NEK11: variants seen among roughly 807,000 people sequenced by gnomAD.
NEK11 encodes serine/threonine-protein kinase Nek11.
In NEK11, 72 loss-of-function variants were observed where a neutral mutation model predicts 80.7. The observed-to-expected ratio is 0.89, with a 90% confidence interval of 0.74 to 1.08. The LOEUF (loss-of-function observed/expected upper bound fraction) is 1.08. Ranked by LOEUF, NEK11 falls within the 50% of genes least tolerant of loss-of-function variation. The pLI is 0.00. For synonymous variants in NEK11, 251 were observed against 260.7 expected, an observed-to-expected ratio of 0.96 and a Z score of 0.36; for missense variants, 764 against 763.6, an observed-to-expected ratio of 1.00 and a Z score of -0.01.
chr3:131,299,841 G>T (rs2096641792), intron 17 of NEK11, among the ~76,000 whole-genome samples: 1 of 152,128 alleles, frequency 6.6e-6, no homozygotes, highest in Non-Finnish European at 1.5e-5. Context: ...GAACACATGT[G>T]TTGCACTTGT....
chr3:131,110,313 G>A (rs947126429), intron 5 of NEK11, among the ~76,000 whole-genome samples: 16 of 152,196 alleles, frequency 1.1e-4, no homozygotes, highest in Middle Eastern at 6.8e-3. Context: ...TTGTGTGGTC[G>A]CCTTGGAATG....
intron 17 of NEK11, among the ~76,000 whole-genome samples, chr3:131,287,145 T>C (rs904932826): frequency 1.3e-5 from 2 of 152,236 alleles, no homozygotes; most frequent in Non-Finnish European, 2.9e-5. Context: ...GCATGCTCTT[T>C]GGTGCAGCCA....
intron 14 of NEK11, among the ~76,000 whole-genome samples, chr3:131,183,720 A>G (rs1404061458): frequency 6.6e-6 from 1 of 152,120 alleles, no homozygotes; most frequent in East Asian, 1.9e-4. Context: ...TGTCTTTGCT[A>G]TTGTGAATAG....
At chr3:131,260,686 C>T (rs1166642818) in intron 16 of NEK11, among the ~76,000 whole-genome samples, 1 of 152,078 alleles carries the variant, frequency 6.6e-6, no homozygotes, top group African/African-American at 2.4e-5. Context: ...TCTGTCATGT[C>T]GCATTCCAAG....
At chr3:131,121,714 C>T (rs930357342) in intron 5 of NEK11, among the ~76,000 whole-genome samples, 1 of 152,178 alleles carries the variant, frequency 6.6e-6, no homozygotes, top group Non-Finnish European at 1.5e-5. Flanking sequence ...CCTCGCTGCC[C>T]CCTTGCAGTT....
chr3:131,108,831 A>C (rs2079607287), intron 4 of NEK11, among the ~76,000 whole-genome samples: 1 of 152,108 alleles, frequency 6.6e-6, no homozygotes, highest in Non-Finnish European at 1.5e-5. Context: ...CGTAGAGGAA[A>C]GGAGAATTCA....
chr3:131,199,545 T>A (rs1055548658), intron 14 of NEK11, among the ~76,000 whole-genome samples: 5 of 151,942 alleles, frequency 3.3e-5, no homozygotes, highest in African/African-American at 7.2e-5. Context: ...AACAGTTTTT[T>A]AAAAAATATC....
chr3:131,160,119 C>T (rs1004563045), intron 10 of NEK11, among the ~76,000 whole-genome samples: 2 of 152,150 alleles, frequency 1.3e-5, no homozygotes, highest in African/African-American at 2.4e-5. Flanking sequence ...CCCCAGGACA[C>T]ATAATCGTGA....
intron 17 of NEK11, among the ~76,000 whole-genome samples, chr3:131,332,912 A>G (rs2097116372): frequency 6.6e-6 from 1 of 152,014 alleles, no homozygotes; most frequent in East Asian, 1.9e-4. Context: ...AGGGAAGTTT[A>G]GAGAAAAAAG....
chr3:131,061,243 T>C (rs1279255837), intron 3 of NEK11, among the ~76,000 whole-genome samples: 1 of 152,168 alleles, frequency 6.6e-6, no homozygotes, highest in Admixed American at 6.5e-5. Flanking sequence ...GTAAACATGA[T>C]CTATGCTGTT....
intron 3 of NEK11, among the ~76,000 whole-genome samples, chr3:131,062,719 G>C (rs2071117821): frequency 6.6e-6 from 1 of 152,202 alleles, no homozygotes; most frequent in Non-Finnish European, 1.5e-5. Context: ...TTGTGTTTTA[G>C]AGATTTAGCA....
intron 5 of NEK11, among the ~76,000 whole-genome samples, chr3:131,115,588 T>C (rs2080875585): frequency 6.6e-6 from 1 of 152,210 alleles, no homozygotes; most frequent in Non-Finnish European, 1.5e-5. Context: ...ATAATGATGT[T>C]AAAACCTGAG....
At chr3:131,070,161 AAG>A (rs2073006479) in intron 3 of NEK11, among the ~76,000 whole-genome samples, 1 of 152,202 alleles carries the variant, frequency 6.6e-6, no homozygotes, top group East Asian at 1.9e-4. Context: ...TCGCCTGCAT[AAG>A]TAGGATCTTT....
intron 4 of NEK11, among the ~76,000 whole-genome samples, chr3:131,104,385 T>C (rs1395981449): frequency 6.6e-6 from 1 of 152,150 alleles, no homozygotes; most frequent in African/African-American, 2.4e-5. Context: ...GAAAACAGTC[T>C]GGCTGCCTTA....
Position 131,057,603 on chromosome 3 carries a change from A to C in NEK11, c.171-22820A>C, listed in dbSNP as rs544112910. Among the ~76,000 whole-genome samples, 1,137 of 152,054 alleles carry C rather than the reference A, an allele frequency of 7.5e-3. 13 individuals carry two copies. The highest frequency in any genetic ancestry group is 0.018 in the African/African-American group (741 of 41,404). On this transcript the variant is annotated intron_variant, in intron 3 of 17. Coordinates refer to ENST00000383366, the MANE Select transcript of NEK11 (RefSeq NM_024800.5). ...TTCTACCTGGTGTGAGATGGTATCT[A>C]ATTGTGGTTTTGATTTGCATTTCTC...
At chr3:131,236,562 C>T (rs923093199) in intron 15 of NEK11, among the ~76,000 whole-genome samples, 4 of 152,282 alleles carry the variant, frequency 2.6e-5, no homozygotes, top group Middle Eastern at 3.4e-3. Context: ...GTAAACAAGG[C>T]ATTAGCAGTG....
chr3:131,075,803 T>C (rs2074256647), intron 3 of NEK11, among the ~76,000 whole-genome samples: 1 of 152,124 alleles, frequency 6.6e-6, no homozygotes, highest in Non-Finnish European at 1.5e-5. Flanking sequence ...TGATCAGGAC[T>C]CCCAGGTGCA....
chr3:131,218,822 A>G (rs1339598953), intron 14 of NEK11, among the ~76,000 whole-genome samples: 1 of 152,074 alleles, frequency 6.6e-6, no homozygotes, highest in Non-Finnish European at 1.5e-5. Context: ...GCTTTTTTTC[A>G]TATGTTTGTT....
chr3:131,163,191 C>T (rs2091849212), intron 11 of NEK11, among the ~76,000 whole-genome samples: 1 of 152,090 alleles, frequency 6.6e-6, no homozygotes, highest in Admixed American at 6.5e-5. Flanking sequence ...TTCCTCTAAA[C>T]ATTAAAAAAT....
Sources: gnomAD v4.1 joint callset for allele counts (sites outside exome capture counted in the v4.1 genomes callset) on GRCh38, gnomAD v4.1.1 for gene constraint, MANE v1.5 for transcripts, NCBI Gene and HGNC (gene_info 2026-07-23, HGNC 2026-07-21) for gene names.